Variants in AQR observed in about 807,000 individuals in gnomAD.
The protein encoded by AQR is aquarius intron-binding spliceosomal factor, also known as RNA helicase aquarius.
A neutral mutation model predicts 180.5 loss-of-function variants in AQR; 61 were observed. The observed-to-expected ratio is 0.34, with a 90% CI of 0.28 to 0.42. The LOEUF (loss-of-function observed/expected upper bound fraction) is 0.42. Among genes scored for constraint, AQR ranks in the 10% least tolerant of loss-of-function variants. The pLI is 1.00. For missense variants in AQR, 1,281 were observed against 1,798.3 expected (o/e 0.71, Z 5.20); for synonymous variants, 551 against 588.8 (o/e 0.94, Z 0.93).
At chr15:34,914,688 C>G (rs1359742740) in intron 16 of AQR, among the ~76,000 whole-genome samples, 1 of 152,118 alleles carries the variant, frequency 6.6e-6, no homozygotes, top group Non-Finnish European at 1.5e-5. Context: ...ACTGTTCTGA[C>G]CTAGTACGGG....
At chr15:34,880,900 T>C (rs927593401) in intron 27 of AQR, among the ~76,000 whole-genome samples, 2 of 152,140 alleles carry the variant, frequency 1.3e-5, no homozygotes, top group African/African-American at 4.8e-5. Context: ...ACTGCCTTTT[T>C]TTGTTAAGTG....
intron 5 of AQR, among the ~76,000 whole-genome samples, chr15:34,946,601 G>A (rs1252196475): frequency 2.0e-5 from 3 of 146,598 alleles, no homozygotes; most frequent in African/African-American, 2.5e-5. Flanking sequence ...CCCCCAGCCC[G>A]GCCAGCCGCC....
At chr15:34,920,178 A>T (rs1347151671) in intron 14 of AQR, among the ~76,000 whole-genome samples, 154 bp downstream of exon 14, 1 of 152,228 alleles carries the variant, frequency 6.6e-6, no homozygotes, top group African/African-American at 2.4e-5. Context: ...TGAGAAAACA[A>T]AAAATCAAAT....
intron 34 of AQR, among the ~76,000 whole-genome samples, chr15:34,857,453 T>C (rs1892603221): frequency 6.6e-6 from 1 of 152,236 alleles, no homozygotes; most frequent in Non-Finnish European, 1.5e-5. Flanking sequence ...TCAACTTTAA[T>C]CAAAGAGCCC....
Position 34,920,374 on chromosome 15 carries a change from A to G in AQR, c.1179T>C (p.Asn393=), listed in dbSNP as rs1893665210. The stretch of plus-strand genomic sequence containing the variant: ...ATTCTTTATCAAAAGTTGTGTCTTC[A>G]TTTTTAGGAAGAGTTGGCAACAAGC... ...YLCLLPTLPK[N]EDTTFDKEFL... Residue 393 remains asparagine, a synonymous_variant, in exon 14 of 35, where the codon AAT becomes AAC. Coordinates refer to ENST00000156471, the MANE Select transcript of AQR (RefSeq NM_014691.3). 2 of 1,613,516 alleles carry G rather than the reference A, an allele frequency of 1.2e-6. No homozygotes were observed. The highest frequency in any genetic ancestry group is 1.3e-5 in the African/African-American group (1 of 74,922).
chr15:34,940,796 G>A, intron 8 of AQR, 103 bp downstream of exon 8: 1 of 807,152 alleles, frequency 1.2e-6, no homozygotes, highest in South Asian at 1.6e-5. Context: ...TAATTTATTT[G>A]CACTCAGCAC....
intron 13 of AQR, among the ~76,000 whole-genome samples, chr15:34,923,333 CT>C (rs1396956033): frequency 6.6e-6 from 1 of 152,166 alleles, no homozygotes; most frequent in African/African-American, 2.4e-5. Flanking sequence ...TCTGAGATTT[CT>C]GGATTCTATT....
Position 34,893,706 on chromosome 15 carries a change from T to C in AQR, c.2528A>G (p.Asn843Ser). 6.2e-7 allele frequency: 1 copy of C among 1,613,082 alleles called. No individual in the cohort carries two copies. The highest frequency in any genetic ancestry group is 8.5e-7 in the Non-Finnish European group (1 of 1,179,758). ...AVQIISNIYHNFPEQRTLIVT... is the reference protein window; with the variant it reads ...AVQIISNIYHSFPEQRTLIVT... Reference sequence around the variant, plus strand: ...AATTAGAGTCCTCTGTTCTGGGAAGTTGTGGTAGATGTTGGATATGATCTG... The same window carrying C: ...AATTAGAGTCCTCTGTTCTGGGAAGCTGTGGTAGATGTTGGATATGATCTG... Residue 843 changes from asparagine (N) to serine (S), a missense_variant, in exon 23 of 35, where the codon AAC becomes AGC. Physicochemically the swap from Asn to Ser is conservative, Grantham distance 46. Coordinates refer to ENST00000156471, the MANE Select transcript of AQR (RefSeq NM_014691.3).
chr15:34,877,249 A>G (rs774336249), intron 27 of AQR, among the ~76,000 whole-genome samples: 1 of 152,320 alleles, frequency 6.6e-6, no homozygotes, highest in East Asian at 1.9e-4. Flanking sequence ...ATCGCTACTT[A>G]GTATGACATC....
chr15:34,896,315 C>T (rs568231832), intron 22 of AQR, among the ~76,000 whole-genome samples: 13 of 152,296 alleles, frequency 8.5e-5, no homozygotes, highest in African/African-American at 3.1e-4. Flanking sequence ...AACATCACAT[C>T]ATACCCCATA....
chr15:34,947,208 T>C (rs911378387), intron 5 of AQR, among the ~76,000 whole-genome samples: 1 of 151,686 alleles, frequency 6.6e-6, no homozygotes, highest in Non-Finnish European at 1.5e-5. Flanking sequence ...TCGGTGACCT[T>C]ACCCCCAACC....
chr15:34,912,585 T>C (rs8036690), intron 16 of AQR, among the ~76,000 whole-genome samples: 113,233 of 151,658 alleles, frequency 0.75, 43,324 homozygotes, highest in Middle Eastern at 0.85. Flanking sequence ...AATATCTATG[T>C]AAAAACCTCC....
At chr15:34,955,006 C>T (rs1894286936) in intron 3 of AQR, among the ~76,000 whole-genome samples, 1 of 152,062 alleles carries the variant, frequency 6.6e-6, no homozygotes, top group Non-Finnish European at 1.5e-5. Flanking sequence ...GCCTGTAGTT[C>T]CAGGTACTCA....
rs552562479 is a variant in AQR, at chr15:34,874,069, G to A, written c.3426-70C>T. On this transcript the variant is annotated intron_variant, in intron 29 of 34. Coordinates refer to ENST00000156471, the MANE Select transcript of AQR (RefSeq NM_014691.3). ...GTAAAATCTCTTTTAATATACATAA[G>A]GAGGTTTCTGTTTCTGTGCTTCTTT... 2.2e-6 allele frequency: 3 copies of A among 1,352,754 alleles called. No individual in the cohort carries two copies. The African/African-American group carries it at 4.5e-5, about 20-fold the overall frequency. 83.8% of individuals were successfully genotyped at this position (1,352,754 alleles called of 1,614,324 possible). A position where few individuals can be genotyped will look rare whatever the true frequency, so the allele number is the denominator to read the frequency against.
At position 34,960,777 on chromosome 15, in the gene AQR, G is replaced by A. The variant is rs2050271892; in HGVS notation, c.170C>T (p.Ser57Leu). Residue 57 changes from serine to leucine, a missense_variant, in exon 3 of 35, where the codon TCA becomes TTA. Ser to Leu is a moderately radical substitution (Grantham distance 145). Coordinates refer to ENST00000156471, the MANE Select transcript of AQR (RefSeq NM_014691.3). ...EDIYEKEIVK[S>L]RFAIRKIMLL... ...TAAAATTTAAATTCATTCCTACCTTGATTTGACAATCTCTTTTTCATATAT... is the reference window on the plus strand; with the variant it reads ...TAAAATTTAAATTCATTCCTACCTTAATTTGACAATCTCTTTTTCATATAT... 1 of 917,158 alleles carries A rather than the reference G, an allele frequency of 1.1e-6. No individual in the cohort carries two copies. The highest frequency in any genetic ancestry group is 1.7e-5 in the African/African-American group (1 of 59,492). The allele number at this position is 917,158 out of a possible 1,614,324, so 56.8% of individuals were successfully genotyped here.
intron 3 of AQR, among the ~76,000 whole-genome samples, chr15:34,954,338 C>A (rs549642486): frequency 2.0e-5 from 3 of 151,952 alleles, no homozygotes; most frequent in Non-Finnish European, 4.4e-5. Flanking sequence ...GCAGAGCTTG[C>A]TCTATTGCCC....
intron 1 of AQR, 62 bp downstream of exon 1, chr15:34,969,477 A>G: frequency 6.3e-7 from 1 of 1,584,210 alleles, no homozygotes; most frequent in African/African-American, 1.3e-5. Context: ...AAACCCCACC[A>G]CCAGGCCTCG....
intron 32 of AQR, 146 bp from the exon 33 acceptor site, chr15:34,863,187 T>A (rs1031790369): frequency 1.5e-5 from 11 of 720,788 alleles, no homozygotes; most frequent in Admixed American, 1.2e-4. Flanking sequence ...TAGAAGTTAA[T>A]CAATGTTACG....
rs35187802 is a variant in AQR, at chr15:34,890,240, G to A, written c.2656C>T (p.Leu886=). Residue 886 remains leucine (L), a synonymous_variant, in exon 24 of 35, where the codon CTG becomes TTG. Transcript: ENST00000156471. ...LLRLGHGEEE[L]ETEKDFSRYG... ...CTGCTGAAATCTTTCTCTGTCTCCAGCTCTTCTTCTCCATGACCAAGACGC... is the reference window on the plus strand; with the variant it reads ...CTGCTGAAATCTTTCTCTGTCTCCAACTCTTCTTCTCCATGACCAAGACGC... The A allele has an allele frequency of 6.8e-3, 11,043 of 1,613,108 alleles. 370 individuals carry two copies. In the African/African-American group the frequency reaches 0.095, roughly 14 times the overall value.
Sources: allele counts gnomAD v4.1 joint callset (sites outside exome capture counted in the v4.1 genomes callset), GRCh38; gene constraint gnomAD v4.1.1; transcripts MANE v1.5; gene names NCBI Gene and HGNC (gene_info 2026-07-23, HGNC 2026-07-21).